XPNPEP3: variants seen among roughly 807,000 people sequenced by gnomAD.
XPNPEP3 encodes the protein xaa-Pro aminopeptidase 3.
In XPNPEP3, 41 loss-of-function variants were observed where a neutral mutation model predicts 60.0. That is an observed-to-expected ratio of 0.68 (90% CI 0.53 to 0.89). The LOEUF is 0.89. XPNPEP3 is among the 40% of genes least tolerant of loss of function. The pLI, the probability that XPNPEP3 is intolerant of heterozygous loss-of-function variation, is 0.00. For synonymous variants in XPNPEP3, 212 were observed against 223.2 expected (o/e 0.95, Z 0.45); for missense variants, 598 against 638.9 (o/e 0.94, Z 0.69).
intron 2 of XPNPEP3, among the ~76,000 whole-genome samples, chr22:40,869,896 A>T (rs151222436): frequency 6.6e-6 from 1 of 152,256 alleles, no homozygotes; most frequent in South Asian, 2.1e-4. Context: ...TCTTTCTGCC[A>T]TAAGAAATTA....
At chr22:40,861,724 G>A (rs2057949028) in intron 1 of XPNPEP3, 5 of 1,613,830 alleles carry the variant, frequency 3.1e-6, no homozygotes, top group Non-Finnish European at 2.5e-6. Flanking sequence ...TCTGGCTTAT[G>A]GAATGTGAAG....
intron 4 of XPNPEP3, among the ~76,000 whole-genome samples, chr22:40,895,879 A>G (rs2058105780): frequency 6.6e-6 from 1 of 152,108 alleles, no homozygotes; most frequent in Non-Finnish European, 1.5e-5. Context: ...AGTAGATGTA[A>G]AAGAGTTTCT....
intron 4 of XPNPEP3, among the ~76,000 whole-genome samples, chr22:40,892,241 G>A (rs1008946877): frequency 6.6e-6 from 1 of 152,030 alleles, no homozygotes; most frequent in Non-Finnish European, 1.5e-5. Flanking sequence ...CTGGAGAGCA[G>A]TGGCACAGTC....
chr22:40,920,509 A>T (rs766726005), intron 7 of XPNPEP3, among the ~76,000 whole-genome samples: 1 of 152,174 alleles, frequency 6.6e-6, no homozygotes, highest in Non-Finnish European at 1.5e-5. Context: ...TTGAGGCAGA[A>T]TTCCTTCTCC....
Position 40,881,982 on chromosome 22 carries a change from A to G in XPNPEP3, c.394A>G (p.Ser132Gly), listed in dbSNP as rs764524741. The change falls in exon 3 of 10, where the codon AGC (serine) becomes GGC (glycine). Residue 132 changes from serine (S) to glycine (G), a missense_variant. Transcript: ENST00000357137. ...CCTATGTGGATTCCAAGAGCCTGAT[A>G]GCATTCTTGTCCTTCAGAGCCTCCC... The part of the protein sequence containing the change: ...LYLCGFQEPD[S>G]ILVLQSLPGK... The G allele has an allele frequency of 2.8e-5, 45 of 1,614,032 alleles. No homozygotes were observed. The highest frequency in any genetic ancestry group is 3.4e-5 in the Non-Finnish European group (40 of 1,180,032).
chr22:40,887,377 C>G (rs2058073425), intron 4 of XPNPEP3, among the ~76,000 whole-genome samples: 1 of 152,094 alleles, frequency 6.6e-6, no homozygotes, highest in Admixed American at 6.6e-5. Context: ...TCTGCTCAGG[C>G]TGCCATTACA....
chr22:40,920,428 G>A (rs145832405), intron 7 of XPNPEP3, among the ~76,000 whole-genome samples: 361 of 152,236 alleles, frequency 2.4e-3, no homozygotes, highest in Non-Finnish European at 3.9e-3. Flanking sequence ...GAAATGGTCT[G>A]TATAAGGCTT....
intron 2 of XPNPEP3, chr22:40,869,997 G>GA (rs2057997467): frequency 2.1e-6 from 1 of 469,070 alleles, no homozygotes; most frequent in Admixed American, 2.4e-5. Context: ...CTCAGTGAAT[G>GA]ATACCAGTAT....
At chr22:40,914,531 ATTTTTTTTTTTTTT>A (rs560908648) in intron 7 of XPNPEP3, among the ~76,000 whole-genome samples, 17 of 67,662 alleles carry the variant, frequency 2.5e-4, no homozygotes, top group Admixed American at 1.5e-3. Context: ...ACTAACAAAG[ATTTTTTTTTTTTTT>A]TTTTTTTTTT....
Position 40,882,527 on chromosome 22 carries a change from C to T in XPNPEP3, c.589+350C>T, listed in dbSNP as rs115361329. ...TCGCAGGCGCCTGTAATCCCAGCTA[C>T]TCAGGTGGCTCAGGCAGGAGAATCA... On this transcript the variant is annotated intron_variant, in intron 3 of 9. Coordinates refer to ENST00000357137, the MANE Select transcript of XPNPEP3 (RefSeq NM_022098.4). 4.3e-3 allele frequency among the ~76,000 whole-genome samples: 654 copies of T among 152,148 alleles called. 3 individuals are homozygous for T. The highest frequency in any genetic ancestry group is 0.015 in the African/African-American group (614 of 41,512).
intron 1 of XPNPEP3, 138 bp from the exon 2 acceptor site, chr22:40,868,861 G>T (rs1440328753): frequency 4.3e-6 from 3 of 703,824 alleles, no homozygotes; most frequent in East Asian, 2.8e-5. Context: ...AAAAATAAAT[G>T]AATATTGAAG....
intron 3 of XPNPEP3, 23 bp from the exon 4 acceptor site, chr22:40,886,290 A>G: frequency 1.2e-6 from 2 of 1,612,170 alleles, no homozygotes; most frequent in Non-Finnish European, 1.7e-6. Flanking sequence ...TTTTAAATTT[A>G]TTTTTCGGCT....
chr22:40,860,643 G>A, intron 1 of XPNPEP3: 1 of 1,291,662 alleles, frequency 7.7e-7, no homozygotes, highest in Non-Finnish European at 1.0e-6. Context: ...ACTCATTGCA[G>A]TTTTCCAAAT....
chr22:40,857,936 G>A (rs1318093070), intron 1 of XPNPEP3, among the ~76,000 whole-genome samples: 1 of 152,150 alleles, frequency 6.6e-6, no homozygotes, highest in Non-Finnish European at 1.5e-5. Context: ...CTTGGCATAT[G>A]TTTATGTTGA....
At chr22:40,909,296 C>G (rs370806703) in intron 6 of XPNPEP3, 61 bp downstream of exon 6, 7 of 1,294,428 alleles carry the variant, frequency 5.4e-6, no homozygotes, top group South Asian at 2.4e-5. Flanking sequence ...AGAAAACCTG[C>G]TAACCTCATG....
intron 1 of XPNPEP3, among the ~76,000 whole-genome samples, chr22:40,863,220 A>G (rs185466012): frequency 1.3e-5 from 2 of 152,350 alleles, no homozygotes; most frequent in East Asian, 1.9e-4. Context: ...AGTGGCTACT[A>G]TTTGGAAATT....
At chr22:40,924,157 G>A (rs767868036) in intron 8 of XPNPEP3, among the ~76,000 whole-genome samples, 1 of 152,184 alleles carries the variant, frequency 6.6e-6, no homozygotes, top group Non-Finnish European at 1.5e-5. Flanking sequence ...TGGAAATGTG[G>A]ATTGATGAGA....
At chr22:40,863,416 A>T (rs1601487673) in intron 1 of XPNPEP3, among the ~76,000 whole-genome samples, 3 of 152,112 alleles carry the variant, frequency 2.0e-5, no homozygotes, top group Admixed American at 6.5e-5. Context: ...TGTTGTGTTT[A>T]TTTTATTTTC....
rs775855153 is a variant in XPNPEP3 at position 40,861,879 on chromosome 22, T to C, written c.64+4634T>C. 9 of 1,613,954 alleles carry C rather than the reference T, an allele frequency of 5.6e-6. No homozygotes were observed. In the Admixed American group the frequency reaches 1.2e-4, roughly 21 times the overall value. On this transcript the variant is annotated intron_variant, in intron 1 of 9. Transcript: ENST00000357137. ...TTTGAATTTTCTCTCTGCTTCTTCT[T>C]TATTTTCTGGATTTTTATCAGGGTG...
Sources: gnomAD v4.1 joint callset for allele counts (sites outside exome capture counted in the v4.1 genomes callset) on GRCh38, gnomAD v4.1.1 for gene constraint, MANE v1.5 for transcripts, NCBI Gene and HGNC (gene_info 2026-07-23, HGNC 2026-07-21) for gene names.